The following UGT1A1 variants were observed in gnomAD, a reference collection of about 807,000 sequenced individuals.
The protein encoded by UGT1A1 is UDP glucuronosyltransferase family 1 member A1, also known as UDP-glucuronosyltransferase 1A1.
UGT1A1 carries 33 observed loss-of-function variants against 40.6 expected under a neutral mutation model. The ratio of observed to expected loss-of-function variants is 0.81; its 90% CI spans 0.62 to 1.09. The LOEUF (loss-of-function observed/expected upper bound fraction) is 1.09, where lower values mean the gene tolerates loss of function less well. Among genes scored for constraint, UGT1A1 ranks in the 50% least tolerant of loss-of-function variants. The pLI is 0.00. For synonymous variants in UGT1A1, 249 were observed against 265.0 expected, an observed-to-expected ratio of 0.94 and a Z score of 0.59; for missense variants, 694 against 671.2, an observed-to-expected ratio of 1.03 and a Z score of -0.38.
At position 233,761,028 on chromosome 2, in the gene UGT1A1, A is replaced by G. The variant is rs1400753834; in HGVS notation, c.741A>G (p.Leu247=). The G allele has an allele frequency of 9.3e-6, 15 of 1,614,144 alleles. No individual in the cohort carries two copies. Among genetic ancestry groups the G allele is most frequent in the Non-Finnish European group, 1.3e-5 (15 of 1,180,012 alleles). ...FLQREVTVQD[L]LSSASVWLFR... Reference sequence around the variant, plus strand: ...AGAGAGAGGTGACTGTCCAGGACCTATTGAGCTCTGCATCTGTCTGGCTGT... The same window carrying G: ...AGAGAGAGGTGACTGTCCAGGACCTGTTGAGCTCTGCATCTGTCTGGCTGT... Residue 247 remains leucine (L), a synonymous_variant, in exon 1 of 5, where the codon CTA becomes CTG. Transcript: ENST00000305208.
chr2:233,763,429 C>G (rs192488384), intron 1 of UGT1A1, among the ~76,000 whole-genome samples: 230 of 152,268 alleles, frequency 1.5e-3, no homozygotes, highest in South Asian at 0.014. Context: ...CAGGCAGTTG[C>G]TTTAATAAGT....
chr2:233,765,534 C>G (rs1303263434), intron 1 of UGT1A1, among the ~76,000 whole-genome samples: 1 of 152,060 alleles, frequency 6.6e-6, no homozygotes, highest in African/African-American at 2.4e-5. Context: ...CATGTTCTCA[C>G]TCATAAGTGG....
In UGT1A1 at chr2:233,772,770, T is replaced by C. The variant is rs10929303; in HGVS notation, c.*211T>C. 0.78 allele frequency: 1,055,817 copies of C among 1,348,090 alleles called. 415,213 individuals are homozygous for C. Among genetic ancestry groups the C allele is most frequent in the East Asian group, 0.89 (34,131 of 38,366 alleles). The allele number at this position is 1,348,090 out of a possible 1,614,324, so 83.5% of individuals were successfully genotyped here. ...ATTTGAATATGTATCGTGCCCCCTC[T>C]GGTGTCTTTGATCAGGATGACATGT... On this transcript the variant is annotated 3_prime_UTR_variant, in exon 5 of 5. Transcript: ENST00000305208.
Position 233,769,204 on chromosome 2 carries a change from CA to C in UGT1A1, c.1304+766del, listed in dbSNP as rs1195031897. 1.3e-5 allele frequency among the ~76,000 whole-genome samples: 2 copies of C among 152,164 alleles called. No individual in the cohort carries two copies. The highest frequency in any genetic ancestry group is 4.8e-5 in the African/African-American group (2 of 41,440). ...TGAATGAAGGAGCTATAAGATATCA[CA>C]GACAAAGTCTTAGAATAAGAGCAAA... On this transcript the variant is annotated intron_variant, in intron 4 of 4. Transcript: ENST00000305208. This position sits in a 1 kb window ranked among gnomAD's most constrained non-coding sequence, Gnocchi z 4.4.
At chr2:233,766,327 G>T (rs373926451) in intron 1 of UGT1A1, among the ~76,000 whole-genome samples, 1 of 152,130 alleles carries the variant, frequency 6.6e-6, no homozygotes, top group Admixed American at 6.5e-5. Flanking sequence ...CAAACTCCGC[G>T]TTGTTCTGCT....
At chr2:233,765,745 A>T in intron 1 of UGT1A1, among the ~76,000 whole-genome samples, 1 of 151,724 alleles carries the variant, frequency 6.6e-6, no homozygotes, top group East Asian at 1.9e-4. Flanking sequence ...AAACCCATAA[A>T]GCCATTTGAG....
In UGT1A1 at chr2:233,773,045, T is replaced by C. The variant is rs1700563904; in HGVS notation, c.*486T>C. ...GTGTGTTTAAAGAAGGGAAGCTTTG[T>C]ACCTTTAGAGTGTAGGTGAAATGAA... On this transcript the variant is annotated 3_prime_UTR_variant, in exon 5 of 5. Transcript: ENST00000305208. 1 of 194,454 alleles carries C rather than the reference T, an allele frequency of 5.1e-6. No homozygotes were observed. Among genetic ancestry groups the C allele is most frequent in the Non-Finnish European group, 1.1e-5 (1 of 92,946 alleles). The allele number at this position is 194,454 out of a possible 1,614,324, so 12.0% of individuals were successfully genotyped here.
intron 3 of UGT1A1, 56 bp from the exon 4 acceptor site, chr2:233,768,164 C>T: frequency 1.2e-6 from 2 of 1,613,412 alleles, no homozygotes; most frequent in Non-Finnish European, 1.7e-6. Flanking sequence ...CTAGATGTGT[C>T]CAGCTGTGAA....
chr2:233,761,294 G>T, intron 1 of UGT1A1, 143 bp downstream of exon 1: 1 of 1,510,468 alleles, frequency 6.6e-7, no homozygotes, highest in Non-Finnish European at 9.0e-7. Flanking sequence ...TGACTCCTAG[G>T]TTTGAGTCTG....
At position 233,772,374 on chromosome 2, in the gene UGT1A1, C is replaced by T. The variant is rs773725816; in HGVS notation, c.1417C>T (p.His473Tyr). Reference protein sequence around the residue: ...EFVMRHKGAPHLRPAAHDLTW... With the variant: ...EFVMRHKGAPYLRPAAHDLTW... ...TGTGATGAGGCACAAGGGCGCGCCA[C>T]ACCTGCGCCCCGCAGCCCACGACCT... is the stretch of plus-strand genomic sequence containing the variant. The change falls in exon 5 of 5, where the codon CAC becomes TAC. Residue 473 changes from histidine (H) to tyrosine (Y), a missense_variant. Transcript: ENST00000305208. 1.2e-6 allele frequency: 2 copies of T among 1,614,266 alleles called. No individual in the cohort carries two copies. Among genetic ancestry groups the T allele is most frequent in the South Asian group, 2.2e-5 (2 of 91,082 alleles).
intron 1 of UGT1A1, among the ~76,000 whole-genome samples, chr2:233,763,849 G>A (rs1198525346): frequency 6.6e-6 from 1 of 152,198 alleles, no homozygotes; most frequent in East Asian, 1.9e-4. Context: ...GATAGCAGTG[G>A]TTCACAGACA....
Position 233,760,942 on chromosome 2 carries a change from C to G in UGT1A1, c.655C>G (p.Gln219Glu), listed in dbSNP as rs1253140529. Reference protein sequence around the residue: ...RVKNMLIAFSQNFLCDVVYSP... With the variant: ...RVKNMLIAFSENFLCDVVYSP... ...GAAGAACATGCTCATTGCCTTTTCA[C>G]AGAACTTTCTGTGCGACGTGGTTTA... The change falls in exon 1 of 5, where the codon CAG (glutamine) becomes GAG (glutamate). Residue 219 changes from glutamine (Q) to glutamate (E), a missense_variant. Gln to Glu is a conservative substitution (Grantham distance 29). Coordinates refer to ENST00000305208, the MANE Select transcript of UGT1A1 (RefSeq NM_000463.3). 8.1e-6 allele frequency: 13 copies of G among 1,614,092 alleles called. No individual in the cohort carries two copies. The highest frequency in any genetic ancestry group is 1.1e-5 in the Non-Finnish European group (13 of 1,180,054).
intron 1 of UGT1A1, among the ~76,000 whole-genome samples, chr2:233,763,690 T>C (rs1698373555): frequency 6.6e-6 from 1 of 152,190 alleles, no homozygotes; most frequent in African/African-American, 2.4e-5. Context: ...AAGATAAAAC[T>C]TTTATTGCAC....
rs750401894 is a variant in UGT1A1, at chr2:233,768,320, T to G, written c.1185T>G (p.Gly395=). Residue 395 remains glycine, a synonymous_variant, in exon 4 of 5, where the codon GGT becomes GGG. Transcript: ENST00000305208. ...CCATGGTGATGATGCCCTTGTTTGG[T>G]GATCAGATGGACAATGCAAAGCGCA... ...GVPMVMMPLF[G]DQMDNAKRME... The G allele has an allele frequency of 2.5e-6, 4 of 1,614,162 alleles. No homozygotes were observed. The Admixed American group carries it at 6.7e-5, about 27-fold the overall frequency.
chr2:233,771,399 T>C (rs972051776), intron 4 of UGT1A1: 1 of 152,180 alleles, frequency 6.6e-6, no homozygotes, highest in African/African-American at 2.4e-5. Flanking sequence ...GATTGGGCAA[T>C]GAACACTGTC....
chr2:233,760,884 T>A lies in UGT1A1; in HGVS notation c.597T>A (p.Ser199=). The change falls in exon 1 of 5, where the codon TCT becomes TCA. Residue 199 remains serine, a synonymous_variant. Coordinates refer to ENST00000305208, the MANE Select transcript of UGT1A1 (RefSeq NM_000463.3). The stretch of plus-strand genomic sequence containing the variant: ...CCTACGTGCCCAGGCCTCTCTCCTC[T>A]CATTCAGATCACATGACCTTCCTGC... ...PFSYVPRPLS[S]HSDHMTFLQR... 1 of 1,614,196 alleles carries A rather than the reference T, an allele frequency of 6.2e-7. No individual in the cohort carries two copies. Among genetic ancestry groups the A allele is most frequent in the African/African-American group, 1.3e-5 (1 of 75,046 alleles).
In UGT1A1 at chr2:233,768,276, A is replaced by T. The variant is rs771550944; in HGVS notation, c.1141A>T (p.Ser381Cys). The T allele has an allele frequency of 3.1e-6, 5 of 1,614,024 alleles. No homozygotes were observed. In the African/African-American group the frequency reaches 6.7e-5, roughly 22 times the overall value. Residue 381 changes from serine (S) to cysteine (C), a missense_variant, in exon 4 of 5, where the codon AGC becomes TGC. Coordinates refer to ENST00000305208, the MANE Select transcript of UGT1A1 (RefSeq NM_000463.3). ...TGCTGGTTCCCATGGTGTTTATGAA[A>T]GCATATGCAATGGCGTTCCCATGGT... ...THAGSHGVYE[S>C]ICNGVPMVMM... is the part of the protein sequence containing the mutation.
rs375204962 is a variant in UGT1A1, at chr2:233,760,376, T to C, written c.89T>C (p.Ile30Thr). The C allele has an allele frequency of 6.2e-6, 10 of 1,614,042 alleles. No individual in the cohort carries two copies. In the African/African-American group the frequency reaches 6.7e-5, roughly 11 times the overall value. ...LGPVVSHAGK[I>T]LLIPVDGSHW... is the part of the protein sequence containing the mutation. ...CCAGTGGTGTCCCATGCTGGGAAGA[T>C]ACTGTTGATCCCAGTGGATGGCAGC... Residue 30 changes from isoleucine (I) to threonine (T), a missense_variant, in exon 1 of 5, where the codon ATA becomes ACA. By Grantham distance (89) the Ile-to-Thr change is moderately conservative. Coordinates refer to ENST00000305208, the MANE Select transcript of UGT1A1 (RefSeq NM_000463.3).
rs761622962 is a variant in UGT1A1 at position 233,769,246 on chromosome 2, A to C, written c.1304+807A>C. On this transcript the variant is annotated intron_variant, in intron 4 of 4. Transcript: ENST00000305208. The surrounding 1 kb of genome is among the most constrained non-coding windows in gnomAD (Gnocchi z 4.4). The stretch of plus-strand genomic sequence containing the variant: ...TAAGAGCAAAGGAAAATTTGCTCAA[A>C]TGTGGCCCTGAAAACGATTCAAAGG... Among the ~76,000 whole-genome samples the C allele has an allele frequency of 6.6e-6, 1 of 152,238 alleles. No individual in the cohort carries two copies. Among genetic ancestry groups the C allele is most frequent in the Non-Finnish European group, 1.5e-5 (1 of 68,028 alleles).
Sources: allele counts gnomAD v4.1 joint callset (sites outside exome capture counted in the v4.1 genomes callset), GRCh38; gene constraint gnomAD v4.1.1; non-coding constraint Gnocchi (gnomAD v3.1); transcripts MANE v1.5; gene names NCBI Gene and HGNC (gene_info 2026-07-23, HGNC 2026-07-21).